WDR37: variants seen among roughly 807,000 people sequenced by gnomAD.
WDR37 encodes the protein WD repeat-containing protein 37.
Under a neutral mutation model 62.9 loss-of-function variants are expected in WDR37, and 19 were observed. The ratio of observed to expected loss-of-function variants is 0.30; its 90% CI spans 0.21 to 0.44. The LOEUF (loss-of-function observed/expected upper bound fraction) is 0.44, where lower values mean the gene tolerates loss of function less well. Among genes scored for constraint, WDR37 ranks in the 20% least tolerant of loss-of-function variants. The probability of loss-of-function intolerance (pLI) is 1.00; values close to 1 mark genes in which losing one functional copy is unlikely to be tolerated. For synonymous variants in WDR37, 250 were observed against 260.9 expected (o/e 0.96, Z 0.40); for missense variants, 474 against 657.6 (o/e 0.72, Z 3.05).
chr10:1,105,248 G>GTTT lies in WDR37; in HGVS notation c.1086_1088dup (p.Phe363dup). On this transcript the variant is annotated inframe_insertion, in exon 11 of 14. Transcript: ENST00000263150. The surrounding 1 kb of genome is among the most constrained non-coding windows in gnomAD (Gnocchi z 5.3). ...GGACCCCTCCATCCACTCGGTGAAT[G>GTTT]TTTTCCAGGGACACACGGAGTGAGT... The GTTT allele has an allele frequency of 6.2e-7, 1 of 1,614,070 alleles. No individual in the cohort carries two copies. The highest frequency in any genetic ancestry group is 8.5e-7 in the Non-Finnish European group (1 of 1,180,006).
At chr10:1,126,358 A>G (rs1481914600) in intron 13 of WDR37, among the ~76,000 whole-genome samples, 6 of 149,776 alleles carry the variant, frequency 4.0e-5, no homozygotes, top group Admixed American at 2.6e-4. Context: ...GTGAGCTGAG[A>G]TCGCGCCACT....
rs374331007 is a variant in WDR37 at position 1,065,584 on chromosome 10, AG to A, written c.-40-6530del. On this transcript the variant is annotated intron_variant, in intron 1 of 13. Coordinates refer to ENST00000263150, the MANE Select transcript of WDR37 (RefSeq NM_014023.4). Reference sequence around the variant, plus strand: ...CATGAGTGTAATTGGTCCTGTCAGTAGGTAAAAAAAAAAAGCTACTAGGAAA... The same window carrying A: ...CATGAGTGTAATTGGTCCTGTCAGTAGTAAAAAAAAAAAGCTACTAGGAAA... Among the ~76,000 whole-genome samples, 47 of 152,118 alleles carry A rather than the reference AG, an allele frequency of 3.1e-4. 1 individual carries two copies. The East Asian group carries it at 8.5e-3, about 27-fold the overall frequency.
intron 11 of WDR37, among the ~76,000 whole-genome samples, chr10:1,111,844 T>C (rs895291151): frequency 6.6e-6 from 1 of 152,216 alleles, no homozygotes; most frequent in Non-Finnish European, 1.5e-5. Context: ...TAAAAAGGCT[T>C]AATTTGAAAA....
chr10:1,065,891 TC>T (rs1833522525), intron 1 of WDR37, among the ~76,000 whole-genome samples: 1 of 149,932 alleles, frequency 6.7e-6, no homozygotes, highest in Admixed American at 6.6e-5. Flanking sequence ...AATAAAACTG[TC>T]CTTTTTTTTT....
chr10:1,062,535 C>G (rs1294147114), intron 1 of WDR37, among the ~76,000 whole-genome samples: 1 of 152,140 alleles, frequency 6.6e-6, no homozygotes, highest in Non-Finnish European at 1.5e-5. Flanking sequence ...CCCTTTTTCT[C>G]TGAGGCCATA....
At chr10:1,066,558 A>G (rs1200296056) in intron 1 of WDR37, among the ~76,000 whole-genome samples, 2 of 152,250 alleles carry the variant, frequency 1.3e-5, no homozygotes, top group African/African-American at 4.8e-5. Context: ...CACAATTCCT[A>G]TCAAGATCCC....
chr10:1,085,524 G>A lies in WDR37; in HGVS notation c.533-762G>A, dbSNP rs540746846. Among the ~76,000 whole-genome samples, 6 of 152,276 alleles carry A rather than the reference G, an allele frequency of 3.9e-5. No homozygotes were observed. In the South Asian group the frequency reaches 1.0e-3, roughly 26 times the overall value. The stretch of plus-strand genomic sequence containing the variant: ...AGATATTTTATGAAAGCTATCTAAG[G>A]TGGCATAATACCCCTTGAGATAAAA... On this transcript the variant is annotated intron_variant, in intron 6 of 13. Transcript: ENST00000263150.
chr10:1,077,000 G>GAA (rs79171648), intron 2 of WDR37, among the ~76,000 whole-genome samples: 9 of 92,828 alleles, frequency 9.7e-5, no homozygotes, highest in South Asian at 3.3e-4. Context: ...ACTCTGTCTC[G>GAA]AAAAAAAAAA....
At chr10:1,077,557 G>T (rs1197066714) in intron 2 of WDR37, among the ~76,000 whole-genome samples, 1 of 152,126 alleles carries the variant, frequency 6.6e-6, no homozygotes, top group African/African-American at 2.4e-5. Flanking sequence ...GCACTCAGAG[G>T]CTGTTTATAA....
chr10:1,116,953 C>T (rs1272773690), intron 11 of WDR37, among the ~76,000 whole-genome samples: 1 of 151,978 alleles, frequency 6.6e-6, no homozygotes, highest in Non-Finnish European at 1.5e-5. Flanking sequence ...CGTGCCACCA[C>T]CTGCAGAGCT....
Position 1,082,850 on chromosome 10 carries a change from G to A in WDR37, c.397-1553G>A, listed in dbSNP as rs57392216. ...AGGAGCCACTCTGTTCTTACCCTGC[G>A]AATGGAGCAGGTGAAGAATGTAACT... On this transcript the variant is annotated intron_variant, in intron 5 of 13. Coordinates refer to ENST00000263150, the MANE Select transcript of WDR37 (RefSeq NM_014023.4). 5.4e-3 allele frequency among the ~76,000 whole-genome samples: 826 copies of A among 152,180 alleles called. 10 individuals are homozygous for A. Among genetic ancestry groups the A allele is most frequent in the African/African-American group, 0.019 (780 of 41,558 alleles).
At chr10:1,063,058 C>T (rs145999103) in intron 1 of WDR37, among the ~76,000 whole-genome samples, 1 of 150,710 alleles carries the variant, frequency 6.6e-6, no homozygotes, top group African/African-American at 2.4e-5. Context: ...TGCACTCCAG[C>T]CTGGGGAACA....
Position 1,129,486 on chromosome 10 carries a change from C to A in WDR37, c.*142C>A. The A allele has an allele frequency of 8.0e-7, 1 of 1,243,308 alleles. No individual in the cohort carries two copies. The highest frequency in any genetic ancestry group is 1.1e-6 in the Non-Finnish European group (1 of 908,232). 77.0% of individuals were successfully genotyped at this position (1,243,308 alleles called of 1,614,324 possible). A position where few individuals can be genotyped will look rare whatever the true frequency, so the allele number is the denominator to read the frequency against. On this transcript the variant is annotated 3_prime_UTR_variant, in exon 14 of 14. Transcript: ENST00000263150. The stretch of plus-strand genomic sequence containing the variant: ...GTATATGTTCTTTTCACATAGTGCC[C>A]AGCTTGCATGAAATGTACAGAGAAA...
Position 1,130,505 on chromosome 10 carries a change from G to A in WDR37, c.*1161G>A, listed in dbSNP as rs1427974178. On this transcript the variant is annotated 3_prime_UTR_variant, in exon 14 of 14. Transcript: ENST00000263150. Reference sequence around the variant, plus strand: ...TGCCAGTCCCGCCACTGCTGAGTGAGCCTGGTGTTCTTGCCTTCTTGGAAA... The same window carrying A: ...TGCCAGTCCCGCCACTGCTGAGTGAACCTGGTGTTCTTGCCTTCTTGGAAA... 6.6e-6 allele frequency: 1 copy of A among 152,600 alleles called. No homozygotes were observed. Among genetic ancestry groups the A allele is most frequent in the East Asian group, 1.9e-4 (1 of 5,204 alleles). The allele number at this position is 152,600 out of a possible 1,614,324, so 9.5% of individuals were successfully genotyped here.
chr10:1,103,750 G>T lies in WDR37; in HGVS notation c.875G>T (p.Gly292Val), dbSNP rs200815182. 8.7e-6 allele frequency: 14 copies of T among 1,614,222 alleles called. No homozygotes were observed. The highest frequency in any genetic ancestry group is 5.3e-5 in the African/African-American group (4 of 75,060). ...GTCATCGCCTCCGACTGGCTGGTTGGGGGGAAGCAGGCTGTGACTGCCTCC... is the reference window on the plus strand; with the variant it reads ...GTCATCGCCTCCGACTGGCTGGTTGTGGGGAAGCAGGCTGTGACTGCCTCC... ...GVVIASDWLV[G>V]GKQAVTASWD... Residue 292 changes from glycine to valine, a missense_variant, in exon 10 of 14, where the codon GGG (glycine) becomes GTG (valine). Gly to Val is a moderately radical substitution (Grantham distance 109, BLOSUM62 -3). Transcript: ENST00000263150. The surrounding 1 kb of genome is among the most constrained non-coding windows in gnomAD (Gnocchi z 6.3).
chr10:1,108,677 T>G (rs528060101), intron 11 of WDR37, among the ~76,000 whole-genome samples: 1 of 151,510 alleles, frequency 6.6e-6, no homozygotes, highest in East Asian at 1.9e-4. Flanking sequence ...CATAGACACC[T>G]GCACTTTGTT....
intron 7 of WDR37, among the ~76,000 whole-genome samples, chr10:1,087,723 T>A (rs1480317657): frequency 6.6e-6 from 1 of 152,166 alleles, no homozygotes; most frequent in Non-Finnish European, 1.5e-5. Flanking sequence ...TGTAGCGTAA[T>A]TCTTAAGGGC....
intron 1 of WDR37, among the ~76,000 whole-genome samples, chr10:1,068,086 C>T (rs1227230528): frequency 6.6e-6 from 1 of 151,656 alleles, no homozygotes; most frequent in Non-Finnish European, 1.5e-5. Context: ...GAGTCGGGGG[C>T]GGAGGGAGGA....
At chr10:1,128,646 A>T (rs2131702204) in intron 13 of WDR37, among the ~76,000 whole-genome samples, 1 of 152,346 alleles carries the variant, frequency 6.6e-6, no homozygotes, top group South Asian at 2.1e-4. Flanking sequence ...CAAAAATTTC[A>T]CATTGATCAT....
Sources: allele counts gnomAD v4.1 joint callset (sites outside exome capture counted in the v4.1 genomes callset), GRCh38; gene constraint gnomAD v4.1.1; non-coding constraint Gnocchi (gnomAD v3.1); transcripts MANE v1.5; gene names NCBI Gene and HGNC (gene_info 2026-07-23, HGNC 2026-07-21).